Variants in SAMMSON observed in about 807,000 individuals in gnomAD.
SAMMSON encodes the protein long intergenic non-protein coding RNA 1212.
chr3:70,094,836 T>A (rs2067317934), intron 4 of SAMMSON: 1 of 152,196 alleles, frequency 6.6e-6, no homozygotes, highest in African/African-American at 2.4e-5. Context: ...GCTGAACTCT[T>A]GAACTTCTTG....
intron 9 of SAMMSON, among the ~76,000 whole-genome samples, chr3:70,364,923 C>G (rs1400063821): frequency 6.6e-6 from 1 of 151,776 alleles, no homozygotes; most frequent in African/African-American, 2.4e-5. Context: ...ATAAATCCCG[C>G]ATCTCTTTCA....
intron 9 of SAMMSON, among the ~76,000 whole-genome samples, chr3:70,384,250 A>G (rs78010531): frequency 0.013 from 1,968 of 152,172 alleles, 42 homozygotes; most frequent in African/African-American, 0.044. Context: ...ATTTTAATAA[A>G]ACATATAGGG....
intron 1 of SAMMSON, among the ~76,000 whole-genome samples, chr3:70,006,393 G>C (rs527769964): frequency 6.6e-6 from 1 of 152,260 alleles, no homozygotes; most frequent in African/African-American, 2.4e-5. Context: ...CCCTCATGGC[G>C]TTCTGTCCTT....
At chr3:70,155,197 A>G (rs1035560008) in intron 4 of SAMMSON, among the ~76,000 whole-genome samples, 1 of 151,960 alleles carries the variant, frequency 6.6e-6, no homozygotes, top group Middle Eastern at 3.4e-3. Flanking sequence ...TTTGTAAAGT[A>G]TGGTTTCAAG....
chr3:70,417,980 C>G (rs1701279481), intron 2 of SAMMSON, among the ~76,000 whole-genome samples: 1 of 152,196 alleles, frequency 6.6e-6, no homozygotes, highest in African/African-American at 2.4e-5. Flanking sequence ...GGAAGAGACA[C>G]TGTGGGAGCT....
chr3:70,260,627 A>G (rs1701857397), intron 6 of SAMMSON, among the ~76,000 whole-genome samples: 1 of 152,014 alleles, frequency 6.6e-6, no homozygotes, highest in South Asian at 2.1e-4. Flanking sequence ...TAGTGGCTGC[A>G]TCACTCCATG....
At chr3:70,018,706 C>T (rs199966676) in intron 3 of SAMMSON, among the ~76,000 whole-genome samples, 8,050 of 150,458 alleles carry the variant, frequency 0.054, 309 homozygotes, top group South Asian at 0.12. Context: ...CCTGCTTTCT[C>T]TTGTGGGCAT....
At chr3:70,065,634 G>T (rs1036547808) in intron 3 of SAMMSON, among the ~76,000 whole-genome samples, 1 of 152,060 alleles carries the variant, frequency 6.6e-6, no homozygotes, top group African/African-American at 2.4e-5. Flanking sequence ...TCCTCTGTGG[G>T]ACATATGGTA....
chr3:70,376,941 A>G (rs1703021855), intron 9 of SAMMSON, among the ~76,000 whole-genome samples: 1 of 152,164 alleles, frequency 6.6e-6, no homozygotes, highest in African/African-American at 2.4e-5. Flanking sequence ...CACAAATATC[A>G]TTCTAATAAC....
chr3:70,413,741 G>A (rs1701241094), intron 2 of SAMMSON, among the ~76,000 whole-genome samples: 1 of 151,902 alleles, frequency 6.6e-6, no homozygotes, highest in South Asian at 2.1e-4. Context: ...TCAAAAAAGG[G>A]CACTATTTAG....
chr3:70,158,339 G>A (rs2067600399), intron 4 of SAMMSON, among the ~76,000 whole-genome samples: 1 of 152,040 alleles, frequency 6.6e-6, no homozygotes. Flanking sequence ...CTTTCACTGA[G>A]CATAATGTTT....
intron 6 of SAMMSON, among the ~76,000 whole-genome samples, chr3:70,258,231 G>A (rs1701834926): frequency 1.3e-5 from 2 of 151,954 alleles, no homozygotes; most frequent in Non-Finnish European, 2.9e-5. Context: ...GCAATAGGGT[G>A]GGCAACAATT....
At chr3:70,144,868 C>T (rs1318328096) in intron 4 of SAMMSON, among the ~76,000 whole-genome samples, 2 of 152,156 alleles carry the variant, frequency 1.3e-5, no homozygotes, top group Non-Finnish European at 2.9e-5. Flanking sequence ...CTATGTGGAA[C>T]TGTAAGTCCA....
At chr3:70,104,568 G>A (rs2067359383) in intron 4 of SAMMSON, among the ~76,000 whole-genome samples, 1 of 152,124 alleles carries the variant, frequency 6.6e-6, no homozygotes, top group South Asian at 2.1e-4. Context: ...ACACCCCCAA[G>A]GGAAAAGGAG....
At chr3:70,375,529 G>C (rs528447153) in intron 9 of SAMMSON, among the ~76,000 whole-genome samples, 58 of 152,116 alleles carry the variant, frequency 3.8e-4, no homozygotes, top group Middle Eastern at 3.4e-3. Context: ...GGAGTTGGGA[G>C]GGGGTAAGGG....
At chr3:70,099,821 T>A (rs1045815382) in intron 4 of SAMMSON, among the ~76,000 whole-genome samples, 1 of 152,198 alleles carries the variant, frequency 6.6e-6, no homozygotes, top group African/African-American at 2.4e-5. Context: ...TACTTTTTCA[T>A]AACCCAATAT....
chr3:70,111,546 T>G (rs1420768701), intron 4 of SAMMSON, among the ~76,000 whole-genome samples: 1 of 152,154 alleles, frequency 6.6e-6, no homozygotes, highest in Non-Finnish European at 1.5e-5. Context: ...GCTGATGATG[T>G]GTCCACAATA....
intron 7 of SAMMSON, among the ~76,000 whole-genome samples, chr3:70,325,564 C>T (rs572762745): frequency 6.6e-6 from 1 of 152,124 alleles, no homozygotes; most frequent in Non-Finnish European, 1.5e-5. Flanking sequence ...TAATGTAGTC[C>T]CTTATATGGT....
At position 70,237,977 on chromosome 3, in the gene SAMMSON, A is replaced by ATTTTTTTTTTTT. The variant is rs1251005797; in HGVS notation, n.508-11129_508-11128insTTTTTTTTTTTT. On this transcript the variant is annotated intron_variant and non_coding_transcript_variant, in intron 4 of 9. Transcript: ENST00000642114. ...AGGGAAAAGAAACTAATTGAGTGGT[A>ATTTTTTTTTTTT]TCTTTTTTTTTTTTTTTTTTTTTTT... Among the ~76,000 whole-genome samples, 25 of 13,006 alleles carry ATTTTTTTTTTTT rather than the reference A, an allele frequency of 1.9e-3. 1 individual carries two copies. Among genetic ancestry groups the ATTTTTTTTTTTT allele is most frequent in the African/African-American group, 4.9e-3 (10 of 2,028 alleles). The allele number at this position is 13,006 out of a possible 152,430, so 8.5% of individuals were successfully genotyped here.
Sources: gnomAD v4.1 joint callset for allele counts (sites outside exome capture counted in the v4.1 genomes callset) on GRCh38, gnomAD v4.1.1 for gene constraint, MANE v1.5 for transcripts, NCBI Gene and HGNC (gene_info 2026-07-23, HGNC 2026-07-21) for gene names.